Variants in ESR1 observed in about 807,000 individuals in gnomAD.
ESR1 encodes estrogen receptor 1.
A neutral mutation model predicts 52.7 loss-of-function variants in ESR1; 12 were observed. The ratio of observed to expected loss-of-function variants is 0.23; its 90% CI spans 0.15 to 0.37. The LOEUF is 0.37. Ranked by LOEUF, ESR1 falls within the 10% of genes least tolerant of loss-of-function variation. The pLI, the probability that ESR1 is intolerant of heterozygous loss-of-function variation, is 1.00. For synonymous variants in ESR1, 305 were observed against 316.8 expected (o/e 0.96, Z 0.39); for missense variants, 584 against 779.7 (o/e 0.75, Z 2.99).
At chr6:152,042,761 T>C (rs900855077) in intron 5 of ESR1, among the ~76,000 whole-genome samples, 3 of 152,206 alleles carry the variant, frequency 2.0e-5, no homozygotes, top group African/African-American at 7.2e-5. Context: ...CTCTTGTCAA[T>C]TTCACTTTTT....
intron 2 of ESR1, among the ~76,000 whole-genome samples, chr6:151,771,712 C>T (rs1785534266): frequency 6.6e-6 from 1 of 152,064 alleles, no homozygotes; most frequent in Admixed American, 6.5e-5. Flanking sequence ...TTATGAACCG[C>T]AGTTACCCCT....
intron 1 of ESR1, among the ~76,000 whole-genome samples, chr6:151,826,949 G>A (rs1781602696): frequency 6.6e-6 from 1 of 152,112 alleles, no homozygotes; most frequent in South Asian, 2.1e-4. Flanking sequence ...TTAGGCTGAG[G>A]GCACAGCAGG....
In ESR1 at chr6:151,807,839, C is replaced by T. The variant is rs1778134223; in HGVS notation, c.-74C>T. 3.7e-6 allele frequency: 5 copies of T among 1,362,392 alleles called. No individual in the cohort carries two copies. The highest frequency in any genetic ancestry group is 5.2e-6 in the Non-Finnish European group (5 of 968,426). The allele number at this position is 1,362,392 out of a possible 1,614,324, so 84.4% of individuals were successfully genotyped here. A position where few individuals can be genotyped will look rare whatever the true frequency, so the allele number is the denominator to read the frequency against. On this transcript the variant is annotated 5_prime_UTR_variant, in exon 1 of 8. Coordinates refer to ENST00000206249, the MANE Select transcript of ESR1 (RefSeq NM_000125.4). ...TCTAACCTCGGGCTGTGCTCTTTTT[C>T]CAGGTGGCCCGCCGGTTTCTGAGCC...
chr6:151,904,716 T>A (rs1178139532), intron 3 of ESR1, among the ~76,000 whole-genome samples: 1 of 152,242 alleles, frequency 6.6e-6, no homozygotes, highest in Non-Finnish European at 1.5e-5. Flanking sequence ...TTGGATTAAC[T>A]TGTTATGTTT....
At chr6:151,875,359 C>A (rs916316360) in intron 2 of ESR1, among the ~76,000 whole-genome samples, 1 of 152,112 alleles carries the variant, frequency 6.6e-6, no homozygotes, top group African/African-American at 2.4e-5. Context: ...TTTATAGAAC[C>A]CCAGTCATCC....
At chr6:151,814,213 A>G (rs988479527) in intron 1 of ESR1, 4 of 152,184 alleles carry the variant, frequency 2.6e-5, no homozygotes, top group Non-Finnish European at 5.9e-5. Flanking sequence ...GCAAAAGACA[A>G]TGTTCTCTTT....
intron 6 of ESR1, among the ~76,000 whole-genome samples, chr6:152,085,117 G>A (rs1338700551): frequency 6.6e-6 from 1 of 152,034 alleles, no homozygotes; most frequent in South Asian, 2.1e-4. Context: ...CTTCTGGATC[G>A]CTTTCCTCCT....
In ESR1 at chr6:152,053,059, A is replaced by C. The variant is rs78450461; in HGVS notation, c.1236-7932A>C. Among the ~76,000 whole-genome samples, 1,045 of 152,296 alleles carry C rather than the reference A, an allele frequency of 6.9e-3. 14 individuals are homozygous for C. Among genetic ancestry groups the C allele is most frequent in the African/African-American group, 0.024 (986 of 41,550 alleles). On this transcript the variant is annotated intron_variant, in intron 5 of 7. Coordinates refer to ENST00000206249, the MANE Select transcript of ESR1 (RefSeq NM_000125.4). This position sits in a 1 kb window ranked among gnomAD's most constrained non-coding sequence, Gnocchi z 4.1. ...AATATCACATTTGTTTAGTAAAAAAATTGTTTACTAAAAAATTAACCTCTC... is the reference window on the plus strand; with the variant it reads ...AATATCACATTTGTTTAGTAAAAAACTTGTTTACTAAAAAATTAACCTCTC...
chr6:151,671,881 A>T (rs1269292295), intron 1 of ESR1, among the ~76,000 whole-genome samples: 2 of 152,138 alleles, frequency 1.3e-5, no homozygotes, highest in African/African-American at 4.8e-5. Context: ...AATCCCAGCT[A>T]CATGGGAGGC....
Position 152,101,875 on chromosome 6 carries a change from A to G in ESR1, c.*2909A>G, listed in dbSNP as rs2050974869. 1 of 222,450 alleles carries G rather than the reference A, an allele frequency of 4.5e-6. No homozygotes were observed. Among genetic ancestry groups the G allele is most frequent in the Non-Finnish European group, 9.0e-6 (1 of 111,220 alleles). The allele number at this position is 222,450 out of a possible 1,614,324, so 13.8% of individuals were successfully genotyped here. A position where few individuals can be genotyped will look rare whatever the true frequency, so the allele number is the denominator to read the frequency against. ...CTTCTGCCCTGGAGACCACAAATCA[A>G]CTAGCTCCATTTACAGCCATTTCTA... On this transcript the variant is annotated 3_prime_UTR_variant, in exon 8 of 8. Coordinates refer to ENST00000206249, the MANE Select transcript of ESR1 (RefSeq NM_000125.4).
At chr6:152,030,015 C>G (rs1209090555) in intron 5 of ESR1, among the ~76,000 whole-genome samples, 3 of 152,172 alleles carry the variant, frequency 2.0e-5, no homozygotes, top group East Asian at 3.8e-4. Context: ...GAATTTTCAA[C>G]CCAGAATCTC....
chr6:151,784,548 T>C (rs1320499106), intron 2 of ESR1, among the ~76,000 whole-genome samples: 1 of 152,174 alleles, frequency 6.6e-6, no homozygotes, highest in African/African-American at 2.4e-5. Context: ...AAATTAGTGT[T>C]TGTATTTTAA....
intron 2 of ESR1, among the ~76,000 whole-genome samples, chr6:151,713,377 C>T (rs1780773062): frequency 6.6e-6 from 1 of 152,190 alleles, no homozygotes; most frequent in Non-Finnish European, 1.5e-5. Context: ...AGGAGTCCCT[C>T]TTTTTCTATT....
At chr6:152,017,213 G>C (rs888993706) in intron 5 of ESR1, among the ~76,000 whole-genome samples, 1 of 152,146 alleles carries the variant, frequency 6.6e-6, no homozygotes, top group African/African-American at 2.4e-5. Flanking sequence ...CATTTAAAAA[G>C]AATGATTGCT....
At chr6:152,096,679 T>C (rs773635033) in intron 7 of ESR1, 47 of 455,894 alleles carry the variant, frequency 1.0e-4, no homozygotes, top group Non-Finnish European at 1.8e-4. Flanking sequence ...GATTCCTGTG[T>C]AACAGATGAA....
intron 1 of ESR1, among the ~76,000 whole-genome samples, chr6:151,660,769 T>A (rs928371011): frequency 3.9e-5 from 6 of 152,346 alleles, no homozygotes; most frequent in Non-Finnish European, 7.3e-5. Context: ...GAAAGAAAGA[T>A]ATCACATATA....
intron 5 of ESR1, among the ~76,000 whole-genome samples, chr6:152,014,092 C>T (rs560652242): frequency 6.6e-6 from 1 of 152,172 alleles, no homozygotes; most frequent in Non-Finnish European, 1.5e-5. Flanking sequence ...CACGCTCTCT[C>T]TCTTCCCCGT....
chr6:151,890,089 CTT>C (rs769048933), intron 3 of ESR1, among the ~76,000 whole-genome samples: 14 of 140,740 alleles, frequency 9.9e-5, no homozygotes, highest in Admixed American at 7.1e-5. Context: ...TGTTTTTTTT[CTT>C]TTTTTTTTTT....
Position 152,098,663 on chromosome 6 carries a change from A to G in ESR1, c.1554-69A>G, listed in dbSNP as rs1001979874. The G allele has an allele frequency of 9.6e-6, 12 of 1,256,094 alleles. No individual in the cohort carries two copies. In the Admixed American group the frequency reaches 2.2e-4, roughly 23 times the overall value. 77.8% of individuals were successfully genotyped at this position (1,256,094 alleles called of 1,614,324 possible). On this transcript the variant is annotated intron_variant, in intron 7 of 7. Coordinates refer to ENST00000206249, the MANE Select transcript of ESR1 (RefSeq NM_000125.4). This position sits in a 1 kb window ranked among gnomAD's most constrained non-coding sequence, Gnocchi z 5.1. ...TGGAGTTCCTCTTCCTTCCCCTTCT[A>G]GGGATTTCAGCACTCCTGGGGCTCG...
Sources: allele counts gnomAD v4.1 joint callset (sites outside exome capture counted in the v4.1 genomes callset), GRCh38; gene constraint gnomAD v4.1.1; non-coding constraint Gnocchi (gnomAD v3.1); transcripts MANE v1.5; gene names NCBI Gene and HGNC (gene_info 2026-07-23, HGNC 2026-07-21).